CACNA1D: variants seen among roughly 807,000 people sequenced by gnomAD.
The protein encoded by CACNA1D is calcium voltage-gated channel subunit alpha1 D.
Under a neutral mutation model 257.1 loss-of-function variants are expected in CACNA1D, and 55 were observed. The ratio of observed to expected loss-of-function variants is 0.21; its 90% confidence interval spans 0.17 to 0.27. The LOEUF is 0.27. Ranked by LOEUF, CACNA1D falls within the 10% of genes least tolerant of loss-of-function variation. The pLI is 1.00. For missense variants in CACNA1D, 1,876 were observed against 2,784.0 expected, an observed-to-expected ratio of 0.67 and a Z score of 7.34; for synonymous variants, 980 against 1,014.9, an observed-to-expected ratio of 0.97 and a Z score of 0.65.
At chr3:53,577,627 G>A (rs1169339789) in intron 3 of CACNA1D, among the ~76,000 whole-genome samples, 1 of 152,140 alleles carries the variant, frequency 6.6e-6, no homozygotes, top group African/African-American at 2.4e-5. Flanking sequence ...CATGGGGAAA[G>A]GATTCCCCAC....
At chr3:53,511,552 G>A (rs995122915) in intron 3 of CACNA1D, among the ~76,000 whole-genome samples, 2 of 152,114 alleles carry the variant, frequency 1.3e-5, no homozygotes, top group Admixed American at 6.6e-5. Flanking sequence ...GAAATGCCGC[G>A]CAAGCAGATG....
chr3:53,721,153 C>A (rs946100926), intron 11 of CACNA1D, among the ~76,000 whole-genome samples: 16 of 152,214 alleles, frequency 1.1e-4, no homozygotes, highest in Non-Finnish European at 5.9e-5. Flanking sequence ...TTTTTCCACG[C>A]TGGCCAACAT....
intron 3 of CACNA1D, among the ~76,000 whole-genome samples, chr3:53,578,329 G>A (rs1419062513): frequency 6.6e-6 from 1 of 152,092 alleles, no homozygotes; most frequent in Non-Finnish European, 1.5e-5. Context: ...GCTGTTGGGG[G>A]CAGAGTGGGG....
chr3:53,778,558 GT>G (rs776746120), intron 37 of CACNA1D, among the ~76,000 whole-genome samples: 1 of 152,174 alleles, frequency 6.6e-6, no homozygotes, highest in Non-Finnish European at 1.5e-5. Flanking sequence ...AAAATAAGAA[GT>G]TTTTAAATAT....
chr3:53,506,727 C>T (rs1267690463), intron 3 of CACNA1D, among the ~76,000 whole-genome samples: 1 of 152,136 alleles, frequency 6.6e-6, no homozygotes, highest in Non-Finnish European at 1.5e-5. Flanking sequence ...TGGCAGAGTT[C>T]GTCTTTAATT....
intron 3 of CACNA1D, among the ~76,000 whole-genome samples, chr3:53,581,794 GT>G (rs1315411842): frequency 2.0e-5 from 3 of 152,156 alleles, no homozygotes; most frequent in Non-Finnish European, 4.4e-5. Context: ...CTACTAATAA[GT>G]TAAGAGGCAC....
At position 53,740,155 on chromosome 3, in the gene CACNA1D, C is replaced by G. The variant is rs1302377114; in HGVS notation, c.2752-125C>G. The G allele has an allele frequency of 5.0e-6, 4 of 792,660 alleles. No individual in the cohort carries two copies. In the Admixed American group the frequency reaches 6.9e-5, roughly 14 times the overall value. 49.1% of individuals were successfully genotyped at this position (792,660 alleles called of 1,614,324 possible). Reference sequence around the variant, plus strand: ...TCACCCGTGGCTCTGCACTTACCTTCAGAATGGCAGGGTTTTCCTGGAGGG... The same window carrying G: ...TCACCCGTGGCTCTGCACTTACCTTGAGAATGGCAGGGTTTTCCTGGAGGG... On this transcript the variant is annotated intron_variant, in intron 20 of 47. Transcript: ENST00000350061.
chr3:53,619,978 C>G (rs1439522979), intron 3 of CACNA1D, among the ~76,000 whole-genome samples: 1 of 152,150 alleles, frequency 6.6e-6, no homozygotes, highest in Admixed American at 6.5e-5. Flanking sequence ...TGGGCACAGA[C>G]AGTTAACAAG....
chr3:53,518,708 ACT>A (rs1307487245), intron 3 of CACNA1D, among the ~76,000 whole-genome samples: 18 of 151,432 alleles, frequency 1.2e-4, no homozygotes, highest in South Asian at 6.3e-4. Context: ...TCTTTAAGAA[ACT>A]CTTGAGTATT....
rs957567656 is a variant in CACNA1D, at chr3:53,800,934, T to C, written c.5041-124T>C. 41 of 921,596 alleles carry C rather than the reference T, an allele frequency of 4.4e-5. No homozygotes were observed. The highest frequency in any genetic ancestry group is 7.1e-5 in the Non-Finnish European group (40 of 565,572). 57.1% of individuals were successfully genotyped at this position (921,596 alleles called of 1,614,324 possible). On this transcript the variant is annotated intron_variant, in intron 41 of 47. Transcript: ENST00000350061. The surrounding 1 kb of genome is among the most constrained non-coding windows in gnomAD (Gnocchi z 4.3). ...CCTGATCATTGAGACACTCAGATTG[T>C]TTTACAGGGATCCTACGGAGCTTGC...
In CACNA1D at chr3:53,610,853, T is replaced by C. The variant is rs2093574847; in HGVS notation, c.484-39926T>C. Among the ~76,000 whole-genome samples the C allele has an allele frequency of 2.0e-5, 3 of 152,236 alleles. No homozygotes were observed. The South Asian group carries it at 6.2e-4, about 31-fold the overall frequency. ...TTATAGGGCTCTTCATTTCTTTGCA[T>C]AGATTCACATTTCCATTTGGTGTCA... On this transcript the variant is annotated intron_variant, in intron 3 of 47. Transcript: ENST00000350061.
intron 3 of CACNA1D, among the ~76,000 whole-genome samples, chr3:53,641,532 T>A (rs1168262206): frequency 2.0e-5 from 3 of 152,102 alleles, no homozygotes; most frequent in African/African-American, 4.8e-5. Flanking sequence ...GTCCCTGAAC[T>A]GCCAGGCGAG....
At chr3:53,735,152 C>T (rs1448184898) in intron 19 of CACNA1D, among the ~76,000 whole-genome samples, 1 of 152,202 alleles carries the variant, frequency 6.6e-6, no homozygotes, top group Non-Finnish European at 1.5e-5. Context: ...GTGGCACCCC[C>T]AGCACAGAGG....
chr3:53,787,885 A>G (rs1176192981), intron 40 of CACNA1D, among the ~76,000 whole-genome samples: 1 of 152,220 alleles, frequency 6.6e-6, no homozygotes, highest in Non-Finnish European at 1.5e-5. Context: ...CAGAGTGCTC[A>G]TAATCCATCA....
At chr3:53,565,683 C>G (rs942457898) in intron 3 of CACNA1D, among the ~76,000 whole-genome samples, 2 of 152,164 alleles carry the variant, frequency 1.3e-5, no homozygotes, top group East Asian at 3.8e-4. Flanking sequence ...TTATACTAAT[C>G]ATAGTATGTG....
chr3:53,509,688 C>A (rs1244104542), intron 3 of CACNA1D, among the ~76,000 whole-genome samples: 1 of 152,064 alleles, frequency 6.6e-6, no homozygotes, highest in African/African-American at 2.4e-5. Context: ...GGAGCCCAGC[C>A]AGGGAAGGCA....
At chr3:53,791,106 G>A (rs999761707) in intron 40 of CACNA1D, 91 of 694,334 alleles carry the variant, frequency 1.3e-4, no homozygotes, top group Non-Finnish European at 2.3e-4. Context: ...TACTGAAACA[G>A]CATTTCAGAA....
intron 7 of CACNA1D, among the ~76,000 whole-genome samples, chr3:53,670,585 T>A (rs2094313095): frequency 6.6e-6 from 1 of 152,130 alleles, no homozygotes; most frequent in Non-Finnish European, 1.5e-5. Flanking sequence ...CTCAGGGTGA[T>A]CCACCTGCCT....
Position 53,781,698 on chromosome 3 carries a change from T to A in CACNA1D, c.4792+31T>A, listed in dbSNP as rs1445288743. 14 of 1,411,844 alleles carry A rather than the reference T, an allele frequency of 9.9e-6. 1 individual carries two copies. Among genetic ancestry groups the A allele is most frequent in the African/African-American group, 1.4e-5 (1 of 70,974 alleles). The allele number at this position is 1,411,844 out of a possible 1,614,324, so 87.5% of individuals were successfully genotyped here. On this transcript the variant is annotated intron_variant, in intron 39 of 47. Transcript: ENST00000350061. ...TGCAGTCTATTTCCTAAGTAGTCCT[T>A]GGCCAGTGCTTTGGTTTTAATGCTA...
Sources: gnomAD v4.1 joint callset for allele counts (sites outside exome capture counted in the v4.1 genomes callset) on GRCh38, gnomAD v4.1.1 for gene constraint, Gnocchi (gnomAD v3.1) non-coding constraint, MANE v1.5 for transcripts, NCBI Gene and HGNC (gene_info 2026-07-23, HGNC 2026-07-21) for gene names.